Variants in ASZ1 observed in about 807,000 individuals in gnomAD.
ASZ1 encodes ankyrin repeat, SAM and basic leucine zipper domain-containing protein 1.
Under a neutral mutation model 61.8 loss-of-function variants are expected in ASZ1, and 67 were observed. The ratio of observed to expected loss-of-function variants is 1.08; its 90% CI spans 0.89 to 1.33. ASZ1 has a LOEUF of 1.33. Ranked by LOEUF, ASZ1 falls within the 40% of genes most tolerant of loss-of-function variation. The probability of loss-of-function intolerance (pLI) is 0.00; values close to 1 mark genes in which losing one functional copy is unlikely to be tolerated. For missense variants in ASZ1, 577 were observed against 554.5 expected (o/e 1.04, Z -0.41); for synonymous variants, 193 against 192.7 (o/e 1.00, Z -0.01).
rs535157480 is a variant in ASZ1, at chr7:117,381,188, G to T, written c.889-121C>A. On this transcript the variant is annotated intron_variant, in intron 8 of 12. Coordinates refer to ENST00000284629, the MANE Select transcript of ASZ1 (RefSeq NM_130768.3). ...TGAAGCAAATTCCAATTTTCTAGAGGGGACAGGATATATACATGCAGAACT... is the reference window on the plus strand; with the variant it reads ...TGAAGCAAATTCCAATTTTCTAGAGTGGACAGGATATATACATGCAGAACT... 4.8e-4 allele frequency: 367 copies of T among 769,090 alleles called. 3 individuals are homozygous for T. In the African/African-American group the frequency reaches 6.0e-3, roughly 13 times the overall value. The allele number at this position is 769,090 out of a possible 1,614,324, so 47.6% of individuals were successfully genotyped here. A position where few individuals can be genotyped will look rare whatever the true frequency, so the allele number is the denominator to read the frequency against.
intron 10 of ASZ1, among the ~76,000 whole-genome samples, chr7:117,373,767 G>A (rs1460154761): frequency 6.6e-6 from 1 of 152,058 alleles, no homozygotes; most frequent in Non-Finnish European, 1.5e-5. Context: ...TCAGGATTCT[G>A]CACATTCTTT....
intron 3 of ASZ1, 98 bp from the exon 4 acceptor site, chr7:117,420,372 C>T: frequency 1.4e-6 from 1 of 710,832 alleles, no homozygotes; most frequent in South Asian, 2.4e-5. Context: ...CACTCTAAAA[C>T]TCTATAACCT....
intron 10 of ASZ1, 34 bp downstream of exon 10, chr7:117,379,904 C>G (rs369691332): frequency 1.5e-6 from 2 of 1,351,606 alleles, no homozygotes; most frequent in Non-Finnish European, 2.1e-6. Flanking sequence ...GTTCTTAACA[C>G]TATTAATAAT....
intron 11 of ASZ1, chr7:117,368,172 C>T (rs1214193002): frequency 1.2e-6 from 1 of 832,094 alleles, no homozygotes; most frequent in Non-Finnish European, 1.4e-6. Flanking sequence ...AGCAATTCTC[C>T]CACGTGGGCC....
At chr7:117,401,896 G>T (rs1796689032) in intron 4 of ASZ1, among the ~76,000 whole-genome samples, 1 of 152,044 alleles carries the variant, frequency 6.6e-6, no homozygotes, top group South Asian at 2.1e-4. Flanking sequence ...CGTTCTTAGG[G>T]TATGCTGGAG....
At chr7:117,367,603 A>T in intron 11 of ASZ1, 138 bp from the exon 12 acceptor site, 1 of 1,159,722 alleles carries the variant, frequency 8.6e-7, no homozygotes, top group South Asian at 3.9e-5. Context: ...ATAAATACTG[A>T]CACCAAAAAT....
intron 4 of ASZ1, among the ~76,000 whole-genome samples, chr7:117,405,346 C>A (rs1173570657): frequency 1.3e-5 from 2 of 152,236 alleles, no homozygotes; most frequent in African/African-American, 2.4e-5. Context: ...CTAAGCATTT[C>A]TTTCTAATCA....
chr7:117,420,337 T>A, intron 3 of ASZ1, 63 bp from the exon 4 acceptor site: 1 of 1,184,392 alleles, frequency 8.4e-7, no homozygotes, highest in Non-Finnish European at 1.2e-6. Flanking sequence ...TCGATGTCTT[T>A]ACCACTCAAA....
chr7:117,381,142 A>G (rs570489423), intron 8 of ASZ1, 75 bp from the exon 9 acceptor site: 1 of 1,334,956 alleles, frequency 7.5e-7, no homozygotes, highest in African/African-American at 1.5e-5. Context: ...AATGTTCATA[A>G]GTTAGTTACT....
At chr7:117,395,784 T>C (rs1796566514) in intron 4 of ASZ1, among the ~76,000 whole-genome samples, 1 of 152,204 alleles carries the variant, frequency 6.6e-6, no homozygotes, top group Non-Finnish European at 1.5e-5. Flanking sequence ...ATAAAAAAGA[T>C]GTAATAGTTT....
In ASZ1 at chr7:117,427,478, C is replaced by CCTGT. The variant is rs566249288; in HGVS notation, c.-22_-19dup. ...GCCGCCATGCCAGCCAAGGAAGCTCCCTGTCGGCACCGCGCGCCCTTCAGC... is the reference window on the plus strand; with the variant it reads ...GCCGCCATGCCAGCCAAGGAAGCTCCCTGTCTGTCGGCACCGCGCGCCCTTCAGC... On this transcript the variant is annotated 5_prime_UTR_variant, in exon 1 of 13. Transcript: ENST00000284629. 3 of 1,612,776 alleles carry CCTGT rather than the reference C, an allele frequency of 1.9e-6. No individual in the cohort carries two copies. The South Asian group carries it at 3.3e-5, about 18-fold the overall frequency.
chr7:117,416,394 CTTTCT>C (rs1373848427), intron 4 of ASZ1, among the ~76,000 whole-genome samples: 3 of 151,974 alleles, frequency 2.0e-5, no homozygotes, highest in Non-Finnish European at 1.5e-5. Flanking sequence ...CTTTTTTGTC[CTTTCT>C]TTTAATTTCT....
intron 4 of ASZ1, among the ~76,000 whole-genome samples, chr7:117,408,388 T>C (rs1438261878): frequency 6.6e-6 from 1 of 152,118 alleles, no homozygotes; most frequent in African/African-American, 2.4e-5. Flanking sequence ...TTACAAGGCA[T>C]GAAGGAGCTG....
rs1796382623 is a variant in ASZ1 at position 117,387,455 on chromosome 7, T to TC, written c.441-1647dup. On this transcript the variant is annotated intron_variant, in intron 4 of 12. Transcript: ENST00000284629. ...CATCTAAATCCGAACTGTTGATGTC[T>TC]CATCTCCACTGCACTTACCTGCATA... Among the ~76,000 whole-genome samples, 4 of 152,330 alleles carry TC rather than the reference T, an allele frequency of 2.6e-5. No individual in the cohort carries two copies. In the South Asian group the frequency reaches 6.2e-4, roughly 24 times the overall value.
chr7:117,365,779 G>T (rs1177063279), intron 12 of ASZ1, among the ~76,000 whole-genome samples: 1 of 152,188 alleles, frequency 6.6e-6, no homozygotes, highest in Non-Finnish European at 1.5e-5. Context: ...CATATAGCAG[G>T]CAGTCTTATG....
rs1562847611 is a variant in ASZ1, at chr7:117,379,136, TA to T, written c.1055+801del. On this transcript the variant is annotated intron_variant, in intron 10 of 12. Transcript: ENST00000284629. Reference sequence around the variant, plus strand: ...TGAAGCTATAAATGTGATAAAATTATATATATATATATATATATATATATAT... The same window carrying T: ...TGAAGCTATAAATGTGATAAAATTATTATATATATATATATATATATATAT... 7.7e-3 allele frequency among the ~76,000 whole-genome samples: 680 copies of T among 88,274 alleles called. 6 individuals are homozygous for T. Among genetic ancestry groups the T allele is most frequent in the African/African-American group, 0.028 (635 of 22,540 alleles). 57.9% of individuals were successfully genotyped at this position (88,274 alleles called of 152,430 possible).
Position 117,379,168 on chromosome 7 carries a change from T to TACACACACAC in ASZ1, c.1055+760_1055+769dup, listed in dbSNP as rs58457982. 8.2e-3 allele frequency among the ~76,000 whole-genome samples: 568 copies of TACACACACAC among 69,520 alleles called. 11 individuals are homozygous for TACACACACAC. The highest frequency in any genetic ancestry group is 0.03 in the African/African-American group (550 of 18,156). The allele number at this position is 69,520 out of a possible 152,430, so 45.6% of individuals were successfully genotyped here. ...ATATATATATATATATATATATATA[T>TACACACACAC]ACACACACACACACACACACACACA... On this transcript the variant is annotated intron_variant, in intron 10 of 12. Coordinates refer to ENST00000284629, the MANE Select transcript of ASZ1 (RefSeq NM_130768.3).
At chr7:117,381,874 A>G (rs1475495433) in intron 8 of ASZ1, among the ~76,000 whole-genome samples, 195 bp downstream of exon 8, 1 of 152,174 alleles carries the variant, frequency 6.6e-6, no homozygotes, top group African/African-American at 2.4e-5. Flanking sequence ...CTCAGATTCT[A>G]ATTTATGTAA....
chr7:117,422,143 A>G, intron 3 of ASZ1, 94 bp downstream of exon 3: 1 of 1,387,318 alleles, frequency 7.2e-7, no homozygotes, highest in Admixed American at 2.3e-5. Context: ...GGTTACTTCA[A>G]ATGGCTTTAG....
Sources: gnomAD v4.1 joint callset for allele counts (sites outside exome capture counted in the v4.1 genomes callset) on GRCh38, gnomAD v4.1.1 for gene constraint, MANE v1.5 for transcripts, NCBI Gene and HGNC (gene_info 2026-07-23, HGNC 2026-07-21) for gene names.